The following TCP10L variants were observed in gnomAD, a reference collection of about 807,000 sequenced individuals.
TCP10L encodes t-complex 10 like, also known as T-complex protein 10A homolog 1.
TCP10L carries 11 observed loss-of-function variants against 19.2 expected under a neutral mutation model. The observed-to-expected ratio is 0.57, with a 90% confidence interval of 0.36 to 0.95. The LOEUF (loss-of-function observed/expected upper bound fraction) is 0.95. TCP10L is among the 40% of genes least tolerant of loss of function. The probability of loss-of-function intolerance (pLI) is 0.01; values close to 1 mark genes in which losing one functional copy is unlikely to be tolerated. For missense variants in TCP10L, 247 were observed against 263.9 expected (o/e 0.94, Z 0.44); for synonymous variants, 96 against 97.2 (o/e 0.99, Z 0.07).
chr21:32,574,746 C>T lies in TCP10L; in HGVS notation c.*2028G>A, dbSNP rs2038412657. On this transcript the variant is annotated 3_prime_UTR_variant, in exon 5 of 5. Transcript: ENST00000300258. ...TTGTGGAAATATCAGTATCCTAATG[C>T]GATTGCTAAATTCAATTTAAGCAAA... The T allele has an allele frequency of 1.8e-5, 3 of 164,624 alleles. No homozygotes were observed. The highest frequency in any genetic ancestry group is 4.8e-5 in the African/African-American group (2 of 41,468). 10.2% of individuals were successfully genotyped at this position (164,624 alleles called of 1,614,324 possible).
At chr21:32,581,035 C>T (rs1229395416) in intron 3 of TCP10L, among the ~76,000 whole-genome samples, 1 of 152,216 alleles carries the variant, frequency 6.6e-6, no homozygotes, top group African/African-American at 2.4e-5. Context: ...GTTGCATTTC[C>T]CAAGACCACC....
intron 2 of TCP10L, among the ~76,000 whole-genome samples, chr21:32,583,653 C>A (rs1189336469): frequency 6.6e-6 from 1 of 151,614 alleles, no homozygotes; most frequent in East Asian, 1.9e-4. Context: ...AACATGTTAG[C>A]CTTCCCCTGG....
chr21:32,580,584 T>C (rs569195780), intron 3 of TCP10L, among the ~76,000 whole-genome samples: 1 of 151,820 alleles, frequency 6.6e-6, no homozygotes, highest in African/African-American at 2.4e-5. Context: ...GTTCACACAA[T>C]AAATGCAGCT....
chr21:32,576,465 G>T lies in TCP10L; in HGVS notation c.*309C>A, dbSNP rs982165730. The T allele has an allele frequency of 1.5e-6, 1 of 651,418 alleles. No individual in the cohort carries two copies. 40.4% of individuals were successfully genotyped at this position (651,418 alleles called of 1,614,324 possible). ...GACCCCAGGGCTCACCCAACAGCCC[G>T]ACACTCCATACTACAAGGTGGGTTA... is the stretch of plus-strand genomic sequence containing the variant. On this transcript the variant is annotated 3_prime_UTR_variant, in exon 5 of 5. Coordinates refer to ENST00000300258, the MANE Select transcript of TCP10L (RefSeq NM_144659.7).
chr21:32,584,678 G>A (rs1382842412), intron 1 of TCP10L, among the ~76,000 whole-genome samples: 3 of 152,208 alleles, frequency 2.0e-5, no homozygotes, highest in South Asian at 4.1e-4. Context: ...GGATGTGAGC[G>A]GATGTGAGCA....
chr21:32,576,257 G>A lies in TCP10L; in HGVS notation c.*517C>T. 1 of 1,571,258 alleles carries A rather than the reference G, an allele frequency of 6.4e-7. No homozygotes were observed. Among genetic ancestry groups the A allele is most frequent in the Admixed American group, 1.7e-5 (1 of 58,314 alleles). ...ATCTGCTCCTGCAGCATGGCGGCCT[G>A]GGAAGCCTGCACTGGTGATTTTCTG... On this transcript the variant is annotated 3_prime_UTR_variant, in exon 5 of 5. Transcript: ENST00000300258.
At chr21:32,583,070 T>C (rs1253738101) in intron 2 of TCP10L, among the ~76,000 whole-genome samples, 1 of 125,382 alleles carries the variant, frequency 8.0e-6, no homozygotes, top group Non-Finnish European at 1.7e-5. Context: ...TGTCTTTCTC[T>C]GTCACCCAGG....
In TCP10L at chr21:32,584,150, G is replaced by T; in HGVS notation, c.144+11C>A. 1 of 1,609,746 alleles carries T rather than the reference G, an allele frequency of 6.2e-7. No homozygotes were observed. ...GTGGGACTAACTCTGTCCCCACAGAGCTCAACTCACTGGCATCTCCCCAGT... is the reference window on the plus strand; with the variant it reads ...GTGGGACTAACTCTGTCCCCACAGATCTCAACTCACTGGCATCTCCCCAGT... On this transcript the variant is annotated intron_variant, in intron 2 of 4. Transcript: ENST00000300258.
At chr21:32,579,040 C>T (rs895802727) in intron 3 of TCP10L, among the ~76,000 whole-genome samples, 2 of 152,136 alleles carry the variant, frequency 1.3e-5, no homozygotes, top group Admixed American at 1.3e-4. Flanking sequence ...CCGATGTTTG[C>T]TTTGTGTTTC....
intron 2 of TCP10L, among the ~76,000 whole-genome samples, chr21:32,583,520 C>T (rs915616060): frequency 5.1e-5 from 7 of 138,248 alleles, no homozygotes; most frequent in East Asian, 2.3e-4. Context: ...ACCCGGGAGG[C>T]GGAGCTTGCA....
Position 32,578,772 on chromosome 21 carries a change from G to C in TCP10L, c.420C>G (p.Pro140=). 6.2e-7 allele frequency: 1 copy of C among 1,614,184 alleles called. No homozygotes were observed. Among genetic ancestry groups the C allele is most frequent in the South Asian group, 1.1e-5 (1 of 91,074 alleles). The part of the protein sequence containing the change: ...SPLSADEETI[P]KYAGHKNQSA... ...TCTGATTCTTGTGGCCAGCGTATTT[G>C]GGTATTGTCTCTTCATCAGCTGACA... Residue 140 remains proline, a synonymous_variant, in exon 4 of 5, where the codon CCC becomes CCG. Coordinates refer to ENST00000300258, the MANE Select transcript of TCP10L (RefSeq NM_144659.7). This position sits in a 1 kb window ranked among gnomAD's most constrained non-coding sequence, Gnocchi z 4.2.
chr21:32,576,841 C>A lies in TCP10L; in HGVS notation c.581G>T (p.Arg194Leu), dbSNP rs16989521. ...AGTAGGTGTTGCTCTTCTGTCTTGA[C>A]GTCTCCTGGAAAGATTTTTATCTCT... ...ENRDKNLSRR[R>L]QDRRATPTGR... The change falls in exon 5 of 5, where the codon CGT (arginine) becomes CTT (leucine). Residue 194 changes from arginine to leucine, a missense_variant. Arg to Leu is a moderately radical substitution (Grantham distance 102). Coordinates refer to ENST00000300258, the MANE Select transcript of TCP10L (RefSeq NM_144659.7). 3 of 1,614,140 alleles carry A rather than the reference C, an allele frequency of 1.9e-6. No individual in the cohort carries two copies. The Admixed American group carries it at 5.0e-5, about 27-fold the overall frequency.
intron 4 of TCP10L, chr21:32,577,781 T>G (rs959890189): frequency 6.6e-6 from 1 of 152,094 alleles, no homozygotes; most frequent in African/African-American, 2.4e-5. Flanking sequence ...CGCACGGAAG[T>G]ATAGCATGTG....
rs2038430108 is a variant in TCP10L, at chr21:32,576,081, G to A, written c.*693C>T. Reference sequence around the variant, plus strand: ...ACCCAACGAGGGAATCAGACAAAAAGTGGCCACAAATTAGGCAGCTCCAGG... The same window carrying A: ...ACCCAACGAGGGAATCAGACAAAAAATGGCCACAAATTAGGCAGCTCCAGG... On this transcript the variant is annotated 3_prime_UTR_variant, in exon 5 of 5. Transcript: ENST00000300258. 3 of 533,178 alleles carry A rather than the reference G, an allele frequency of 5.6e-6. No individual in the cohort carries two copies. The highest frequency in any genetic ancestry group is 2.8e-5 in the South Asian group (1 of 36,122). The allele number at this position is 533,178 out of a possible 1,614,324, so 33.0% of individuals were successfully genotyped here.
In TCP10L at chr21:32,582,575, T is replaced by TTCTG. The variant is rs71971113; in HGVS notation, c.145-161_145-160insCAGA. On this transcript the variant is annotated intron_variant, in intron 2 of 4. Transcript: ENST00000300258. The surrounding 1 kb of genome is among the most constrained non-coding windows in gnomAD (Gnocchi z 4.2). The stretch of plus-strand genomic sequence containing the variant: ...AGGACTACCACAGCCTTTTTCTTTC[T>TTCTG]TCTTTCTTTCCTTTCTTTCTTTCTT... 183,412 of 612,204 alleles carry TTCTG rather than the reference T, an allele frequency of 0.3. 28,285 individuals carry two copies. The highest frequency in any genetic ancestry group is 0.42 in the African/African-American group (19,080 of 45,934). The allele number at this position is 612,204 out of a possible 1,614,324, so 37.9% of individuals were successfully genotyped here.
chr21:32,577,814 C>G (rs2038451594), intron 4 of TCP10L: 1 of 152,318 alleles, frequency 6.6e-6, no homozygotes, highest in Non-Finnish European at 1.5e-5. Context: ...AGGGCACTCA[C>G]AGCCTTCAGA....
intron 3 of TCP10L, among the ~76,000 whole-genome samples, chr21:32,580,364 C>A (rs986369097): frequency 6.6e-5 from 10 of 151,942 alleles, no homozygotes; most frequent in Admixed American, 4.6e-4. Flanking sequence ...CCTCGGCCTC[C>A]CAAAGTGCTG....
Position 32,576,653 on chromosome 21 carries a change from G to C in TCP10L, c.*121C>G. 9.8e-7 allele frequency: 1 copy of C among 1,019,908 alleles called. No homozygotes were observed. Among genetic ancestry groups the C allele is most frequent in the South Asian group, 1.7e-5 (1 of 59,998 alleles). The allele number at this position is 1,019,908 out of a possible 1,614,324, so 63.2% of individuals were successfully genotyped here. ...ACATAATTAGTTTAATAAATTACTAGGTCTATTTTGAATAACAAATTGAGT... is the reference window on the plus strand; with the variant it reads ...ACATAATTAGTTTAATAAATTACTACGTCTATTTTGAATAACAAATTGAGT... On this transcript the variant is annotated 3_prime_UTR_variant, in exon 5 of 5. Coordinates refer to ENST00000300258, the MANE Select transcript of TCP10L (RefSeq NM_144659.7).
chr21:32,577,017 G>A, intron 4 of TCP10L, 94 bp from the exon 5 acceptor site: 1 of 1,322,372 alleles, frequency 7.6e-7, no homozygotes, highest in Non-Finnish European at 1.0e-6. Flanking sequence ...ACAGAATGTA[G>A]ATGATTCTAC....
Sources: gnomAD v4.1 joint callset for allele counts (sites outside exome capture counted in the v4.1 genomes callset) on GRCh38, gnomAD v4.1.1 for gene constraint, Gnocchi (gnomAD v3.1) non-coding constraint, MANE v1.5 for transcripts, NCBI Gene and HGNC (gene_info 2026-07-23, HGNC 2026-07-21) for gene names.